The following SDCCAG8 variants were observed in gnomAD, a reference collection of about 807,000 sequenced individuals.
SDCCAG8 encodes SHH signaling and ciliogenesis regulator SDCCAG8.
Under a neutral mutation model 101.8 loss-of-function variants are expected in SDCCAG8, and 74 were observed. The observed-to-expected ratio is 0.73, with a 90% CI of 0.60 to 0.88. The LOEUF is 0.88. SDCCAG8 is among the 40% of genes least tolerant of loss of function. SDCCAG8 has a pLI of 0.00. For synonymous variants in SDCCAG8, 281 were observed against 292.9 expected (o/e 0.96, Z 0.41); for missense variants, 787 against 822.6 (o/e 0.96, Z 0.53).
At chr1:243,422,894 A>G (rs539859817) in intron 15 of SDCCAG8, among the ~76,000 whole-genome samples, 3 of 152,330 alleles carry the variant, frequency 2.0e-5, no homozygotes, top group African/African-American at 4.8e-5. Flanking sequence ...AAAGCCAGAA[A>G]TTGCCTGAAT....
chr1:243,279,111 T>C (rs1190668822), intron 4 of SDCCAG8, among the ~76,000 whole-genome samples: 1 of 152,182 alleles, frequency 6.6e-6, no homozygotes, highest in Admixed American at 6.5e-5. Context: ...TTTTTAATTG[T>C]CTTATTGCAT....
At chr1:243,294,501 A>AAGAGGGAG (rs2070627731) in intron 6 of SDCCAG8, among the ~76,000 whole-genome samples, 4 of 26,704 alleles carry the variant, frequency 1.5e-4, no homozygotes, top group African/African-American at 5.0e-4. Flanking sequence ...GAGAGAGAGA[A>AAGAGGGAG]AGAGCGAGAG....
At chr1:243,453,410 G>A (rs1446384202) in intron 16 of SDCCAG8, among the ~76,000 whole-genome samples, 1 of 152,190 alleles carries the variant, frequency 6.6e-6, no homozygotes, top group Non-Finnish European at 1.5e-5. Context: ...CTTTCCCTGG[G>A]CTTCATTTAA....
intron 13 of SDCCAG8, among the ~76,000 whole-genome samples, chr1:243,400,141 C>T (rs2079286260): frequency 6.6e-6 from 1 of 152,202 alleles, no homozygotes; most frequent in African/African-American, 2.4e-5. Flanking sequence ...TTGTATTCAA[C>T]AGGCTAAACC....
intron 16 of SDCCAG8, among the ~76,000 whole-genome samples, chr1:243,432,084 A>T (rs897518334): frequency 6.6e-6 from 1 of 152,224 alleles, no homozygotes; most frequent in Non-Finnish European, 1.5e-5. Context: ...TGTTAAAAAT[A>T]CAAATTATAA....
Position 243,426,410 on chromosome 1 carries a change from T to C in SDCCAG8, c.1854-17T>C. ...AAGAACTTCTAACATCTATTATTTT[T>C]GTGTTTTCACCTCTAGATCTGAAAT... is the stretch of plus-strand genomic sequence containing the variant. On this transcript the variant is annotated splice_polypyrimidine_tract_variant and intron_variant, in intron 15 of 17. Coordinates refer to ENST00000366541, the MANE Select transcript of SDCCAG8 (RefSeq NM_006642.5). 6.2e-7 allele frequency: 1 copy of C among 1,607,836 alleles called. No homozygotes were observed. Among genetic ancestry groups the C allele is most frequent in the Non-Finnish European group, 8.5e-7 (1 of 1,174,974 alleles).
In SDCCAG8 at chr1:243,499,858, C is replaced by T; in HGVS notation, c.*73C>T. 1.4e-6 allele frequency: 2 copies of T among 1,399,026 alleles called. No homozygotes were observed. The highest frequency in any genetic ancestry group is 3.4e-5 in the Admixed American group (2 of 58,792). The allele number at this position is 1,399,026 out of a possible 1,614,324, so 86.7% of individuals were successfully genotyped here. A position where few individuals can be genotyped will look rare whatever the true frequency, so the allele number is the denominator to read the frequency against. ...ATTCATCTGGTTTAGACTTAATATG[C>T]CACAACGCACCACGACCTTCCCAGG... On this transcript the variant is annotated 3_prime_UTR_variant, in exon 18 of 18. Coordinates refer to ENST00000366541, the MANE Select transcript of SDCCAG8 (RefSeq NM_006642.5).
intron 12 of SDCCAG8, among the ~76,000 whole-genome samples, chr1:243,370,588 A>G (rs1038669490): frequency 5.9e-5 from 9 of 152,114 alleles, no homozygotes; most frequent in African/African-American, 2.2e-4. Context: ...GTATTGTCGC[A>G]ATGTAATACA....
At chr1:243,327,956 G>GCAGTGGTGCGATCTCAGCT (rs2074312189) in intron 9 of SDCCAG8, among the ~76,000 whole-genome samples, 1 of 152,182 alleles carries the variant, frequency 6.6e-6, no homozygotes. Flanking sequence ...AGGCTGTAGT[G>GCAGTGGTGCGATCTCAGCT]CAGTGGTGCG....
At chr1:243,495,636 C>T (rs560476416) in intron 17 of SDCCAG8, among the ~76,000 whole-genome samples, 114 of 152,300 alleles carry the variant, frequency 7.5e-4, no homozygotes, top group African/African-American at 2.7e-3. Flanking sequence ...ACAGCAGGGC[C>T]GCAGGGGCCT....
intron 5 of SDCCAG8, among the ~76,000 whole-genome samples, chr1:243,286,686 T>C (rs533591294): frequency 1.2e-4 from 18 of 152,190 alleles, no homozygotes; most frequent in Non-Finnish European, 2.1e-4. Context: ...AGGAAGGACT[T>C]TGCTAAGTCT....
At chr1:243,392,203 G>T (rs1240308955) in intron 13 of SDCCAG8, among the ~76,000 whole-genome samples, 1 of 152,156 alleles carries the variant, frequency 6.6e-6, no homozygotes, top group African/African-American at 2.4e-5. Context: ...TATGAGTTCA[G>T]GTAAAATAAA....
intron 13 of SDCCAG8, among the ~76,000 whole-genome samples, chr1:243,383,532 C>T (rs562250720): frequency 6.6e-6 from 1 of 152,140 alleles, no homozygotes; most frequent in South Asian, 2.1e-4. Context: ...AAGGTATTTC[C>T]TTAGTTTGAA....
chr1:243,298,568 C>T (rs1269468875), intron 6 of SDCCAG8, among the ~76,000 whole-genome samples: 1 of 151,758 alleles, frequency 6.6e-6, no homozygotes, highest in African/African-American at 2.4e-5. Context: ...CCACCTGCCT[C>T]GGCCTCCCAA....
chr1:243,314,294 G>A (rs2073038893), intron 8 of SDCCAG8, among the ~76,000 whole-genome samples: 1 of 152,122 alleles, frequency 6.6e-6, no homozygotes, highest in Admixed American at 6.6e-5. Flanking sequence ...TTGAATGATG[G>A]GCCTAACAAG....
chr1:243,444,361 G>T (rs1234055371), intron 16 of SDCCAG8, among the ~76,000 whole-genome samples: 2 of 150,594 alleles, frequency 1.3e-5, no homozygotes, highest in Non-Finnish European at 1.5e-5. Context: ...AAGTTTTTTT[G>T]TTTGTTTGTT....
chr1:243,311,464 C>T (rs375930953), intron 8 of SDCCAG8, among the ~76,000 whole-genome samples: 12 of 151,576 alleles, frequency 7.9e-5, no homozygotes, highest in Non-Finnish European at 1.3e-4. Flanking sequence ...GAGAGGTGGA[C>T]GAAGGCAATG....
intron 1 of SDCCAG8, among the ~76,000 whole-genome samples, chr1:243,259,277 G>A (rs1272223032): frequency 6.6e-6 from 1 of 151,966 alleles, no homozygotes; most frequent in Admixed American, 6.6e-5. Flanking sequence ...CGTGGTGGCG[G>A]GCGCCTGTAG....
intron 1 of SDCCAG8, chr1:243,267,334 C>T (rs1021290496): frequency 3.4e-5 from 8 of 237,072 alleles, no homozygotes; most frequent in Non-Finnish European, 5.9e-5. Flanking sequence ...TGGTGGCTTA[C>T]GCCTGTAATC....
Sources: gnomAD v4.1 joint callset for allele counts (sites outside exome capture counted in the v4.1 genomes callset) on GRCh38, gnomAD v4.1.1 for gene constraint, MANE v1.5 for transcripts, NCBI Gene and HGNC (gene_info 2026-07-23, HGNC 2026-07-21) for gene names.